The following CCDC32 variants were observed in gnomAD, a reference collection of about 807,000 sequenced individuals.
The protein encoded by CCDC32 is coiled-coil domain containing 32.
CCDC32 carries 9 observed loss-of-function variants against 20.1 expected under a neutral mutation model. That is an observed-to-expected ratio of 0.45 (90% CI 0.27 to 0.78). The LOEUF is 0.78. Among genes scored for constraint, CCDC32 ranks in the 30% least tolerant of loss-of-function variants. The pLI is 0.16. For synonymous variants in CCDC32, 63 were observed against 79.0 expected (o/e 0.80, Z 1.07); for missense variants, 204 against 215.5 (o/e 0.95, Z 0.33).
At chr15:40,539,880 A>ACACCCCCC (rs769226221) in intron 3 of CCDC32, among the ~76,000 whole-genome samples, 2 of 139,040 alleles carry the variant, frequency 1.4e-5, no homozygotes, top group African/African-American at 5.2e-5. Flanking sequence ...ACACACACAC[A>ACACCCCCC]CCCCGCTCCT....
rs937604937 is a variant in CCDC32 at position 40,562,445 on chromosome 15, T to G, written c.244+327A>C. On this transcript the variant is annotated intron_variant, in intron 2 of 3. Coordinates refer to ENST00000416810, the MANE Select transcript of CCDC32 (RefSeq NM_001080792.4). ...AATACAAAAAATTAGCCGGGCATTG[T>G]GCCAGGCGCCTGTAATCCCAGCTAC... Among the ~76,000 whole-genome samples the G allele has an allele frequency of 8.6e-4, 130 of 152,006 alleles. 3 individuals are homozygous for G. The highest frequency in any genetic ancestry group is 1.9e-4 in the Non-Finnish European group (13 of 68,006).
Position 40,554,059 on chromosome 15 carries a change from T to C in CCDC32, c.470A>G (p.Tyr157Cys). 6.2e-7 allele frequency: 1 copy of C among 1,614,006 alleles called. No homozygotes were observed. The highest frequency in any genetic ancestry group is 8.5e-7 in the Non-Finnish European group (1 of 1,180,012). Residue 157 changes from tyrosine (Y) to cysteine (C), a missense_variant, in exon 4 of 4, where the codon TAT becomes TGT. Coordinates refer to ENST00000416810, the MANE Select transcript of CCDC32 (RefSeq NM_001080792.4). ...KVAVSTEEVQ[Y>C]LIPPESQVEK... is the part of the protein sequence containing the mutation. ...AACCTGTGACTCTGGAGGAATCAGA[T>C]ACTGGACCTCCTCTGTGCTGACGGC...
At chr15:40,554,703 C>T (rs1164625522) in intron 3 of CCDC32, among the ~76,000 whole-genome samples, 1 of 151,994 alleles carries the variant, frequency 6.6e-6, no homozygotes, top group Non-Finnish European at 1.5e-5. Flanking sequence ...AAGAGAATGA[C>T]CACTATGCCA....
At chr15:40,556,048 G>C (rs1890212035) in intron 3 of CCDC32, among the ~76,000 whole-genome samples, 1 of 152,178 alleles carries the variant, frequency 6.6e-6, no homozygotes, top group African/African-American at 2.4e-5. Flanking sequence ...TGAGGTAAGA[G>C]CTGATTGCTC....
chr15:40,532,259 G>C, downstream of CCDC32: 1 of 703,000 alleles, frequency 1.4e-6, no homozygotes, highest in Non-Finnish European at 2.6e-6. Flanking sequence ...CTATTGTCCT[G>C]GCATCAGGTG....
chr15:40,553,903 GGCGTGTGTGTGTGT>G lies in CCDC32; in HGVS notation c.*54_*67del. 7.4e-7 allele frequency: 1 copy of G among 1,357,114 alleles called. No homozygotes were observed. Among genetic ancestry groups the G allele is most frequent in the Non-Finnish European group, 9.7e-7 (1 of 1,028,718 alleles). 84.1% of individuals were successfully genotyped at this position (1,357,114 alleles called of 1,614,324 possible). On this transcript the variant is annotated 3_prime_UTR_variant, in exon 4 of 4. Transcript: ENST00000416810. ...CGCTCTGGACCCGAGACAGCTGCTC[GGCGTGTGTGTGTGT>G]GTGTGTGTGTGTGTGTGTGTGTGTG...
downstream of CCDC32, among the ~76,000 whole-genome samples, chr15:40,530,045 G>A (rs1197379278): frequency 1.3e-5 from 2 of 151,074 alleles, no homozygotes; most frequent in East Asian, 3.9e-4. Flanking sequence ...CAATCCCAGC[G>A]TTTTGGGAGA....
At chr15:40,524,033 A>T (rs1400240262), downstream of CCDC32, among the ~76,000 whole-genome samples, 1 of 152,242 alleles carries the variant, frequency 6.6e-6, no homozygotes, top group East Asian at 1.9e-4. Flanking sequence ...ACTGGACACA[A>T]ATATCAGTTG....
downstream of CCDC32, chr15:40,537,755 A>C (rs1595884547): frequency 6.6e-6 from 1 of 152,176 alleles, no homozygotes; most frequent in Admixed American, 6.5e-5. Flanking sequence ...TTCAAGACCA[A>C]CCTGGCCAAC....
At chr15:40,559,828 A>G (rs2141650801) in intron 2 of CCDC32, among the ~76,000 whole-genome samples, 1 of 152,258 alleles carries the variant, frequency 6.6e-6, no homozygotes, top group Admixed American at 6.5e-5. Context: ...TAACAACACA[A>G]ATTGGGGAAA....
intron 2 of CCDC32, among the ~76,000 whole-genome samples, chr15:40,559,651 A>C (rs912807316): frequency 6.6e-6 from 1 of 152,096 alleles, no homozygotes; most frequent in African/African-American, 2.4e-5. Context: ...CCTCCAGTAC[A>C]TCATTAACAA....
intron 3 of CCDC32, chr15:40,528,896 C>G: frequency 1.6e-6 from 1 of 638,736 alleles, no homozygotes; most frequent in East Asian, 2.7e-5. Context: ...AGACTCGTGT[C>G]TAACCACCTC....
intron 3 of CCDC32, among the ~76,000 whole-genome samples, chr15:40,555,390 A>G (rs1890168142): frequency 6.6e-6 from 1 of 152,230 alleles, no homozygotes; most frequent in African/African-American, 2.4e-5. Flanking sequence ...GAGGATTTCT[A>G]CTTGAAAATG....
chr15:40,561,497 C>CA (rs143415563), intron 2 of CCDC32, among the ~76,000 whole-genome samples: 5,402 of 143,962 alleles, frequency 0.038, 335 homozygotes, highest in African/African-American at 0.13. Context: ...AAACAACAAC[C>CA]AAAAAAAAAA....
chr15:40,531,257 C>T (rs1446137399), downstream of CCDC32: 1 of 151,400 alleles, frequency 6.6e-6, no homozygotes, highest in African/African-American at 2.4e-5. Context: ...AAAGCCCAGA[C>T]TTCAACACTG....
intron 2 of CCDC32, 97 bp downstream of exon 2, chr15:40,562,675 G>A: frequency 7.3e-7 from 1 of 1,361,186 alleles, no homozygotes; most frequent in South Asian, 1.4e-5. Context: ...ATATCTGACA[G>A]ATACGTGTGA....
downstream of CCDC32, among the ~76,000 whole-genome samples, chr15:40,525,310 G>A (rs1199652805): frequency 6.6e-6 from 1 of 152,092 alleles, no homozygotes; most frequent in Admixed American, 6.5e-5. Context: ...TTACAGGCGT[G>A]AGCCACTGCG....
chr15:40,560,031 A>T lies in CCDC32; in HGVS notation c.245-2659T>A, dbSNP rs117994869. Among the ~76,000 whole-genome samples the T allele has an allele frequency of 1.4e-3, 220 of 152,344 alleles. 3 individuals carry two copies. The East Asian group carries it at 0.037, about 26-fold the overall frequency. Reference sequence around the variant, plus strand: ...TGGCCTAGGCAATTTTTATTTTGAGATGGAGTCTCGCTCTGTTGCCCAGGC... The same window carrying T: ...TGGCCTAGGCAATTTTTATTTTGAGTTGGAGTCTCGCTCTGTTGCCCAGGC... On this transcript the variant is annotated intron_variant, in intron 2 of 3. Coordinates refer to ENST00000416810, the MANE Select transcript of CCDC32 (RefSeq NM_001080792.4).
intron 3 of CCDC32, among the ~76,000 whole-genome samples, chr15:40,542,479 A>G (rs998322143): frequency 3.3e-5 from 5 of 152,106 alleles, no homozygotes; most frequent in African/African-American, 1.2e-4. Flanking sequence ...GTAGGAAAAG[A>G]CCCTGTTGCA....
Sources: allele counts gnomAD v4.1 joint callset (sites outside exome capture counted in the v4.1 genomes callset), GRCh38; gene constraint gnomAD v4.1.1; transcripts MANE v1.5; gene names NCBI Gene and HGNC (gene_info 2026-07-23, HGNC 2026-07-21).